The following GNPDA2 variants were observed in gnomAD, a reference collection of about 807,000 sequenced individuals.
GNPDA2 encodes the protein glcN6P deaminase 2.
GNPDA2 carries 24 observed loss-of-function variants against 27.0 expected under a neutral mutation model. The observed-to-expected ratio is 0.89, with a 90% CI of 0.64 to 1.25. The LOEUF is 1.25. GNPDA2 is among the 50% of genes most tolerant of loss of function. The probability of loss-of-function intolerance (pLI) is 0.00; values close to 1 mark genes in which losing one functional copy is unlikely to be tolerated. For synonymous variants in GNPDA2, 94 were observed against 108.4 expected, an observed-to-expected ratio of 0.87 and a Z score of 0.83; for missense variants, 286 against 335.1, an observed-to-expected ratio of 0.85 and a Z score of 1.14.
intron 4 of GNPDA2, among the ~76,000 whole-genome samples, chr4:44,716,659 C>T (rs930727194): frequency 6.6e-6 from 1 of 151,854 alleles, no homozygotes; most frequent in Non-Finnish European, 1.5e-5. Flanking sequence ...TAACTGATTA[C>T]TCAGTAAGAT....
intron 6 of GNPDA2, chr4:44,704,647 T>C: frequency 1.1e-6 from 1 of 888,248 alleles, no homozygotes; most frequent in Non-Finnish European, 1.3e-6. Context: ...ACATACGAAT[T>C]TTATATAAAT....
At chr4:44,722,330 A>G in intron 1 of GNPDA2, 88 bp from the exon 2 acceptor site, 2 of 975,772 alleles carry the variant, frequency 2.0e-6, no homozygotes, top group South Asian at 3.5e-5. Context: ...TAATAAATAG[A>G]GCACTGAAAC....
chr4:44,708,121 A>G (rs766918982), intron 5 of GNPDA2, among the ~76,000 whole-genome samples, 195 bp from the exon 6 acceptor site: 26 of 152,178 alleles, frequency 1.7e-4, no homozygotes, highest in Non-Finnish European at 2.9e-4. Context: ...TAGTTTAACA[A>G]AGCAAAACAA....
At chr4:44,705,531 A>T in intron 6 of GNPDA2, 2 of 866,528 alleles carry the variant, frequency 2.3e-6, no homozygotes, top group Non-Finnish European at 2.8e-6. Flanking sequence ...AATTAGATGA[A>T]CTAAAAGAAC....
Position 44,701,797 on chromosome 4 carries a change from A to G in GNPDA2, c.*1284T>C. ...TTAAAAAACATTTATAAGGCTATTA[A>G]AACATCATCTGGAATTAAAGCAGCA... is the stretch of plus-strand genomic sequence containing the variant. On this transcript the variant is annotated 3_prime_UTR_variant, in exon 7 of 7. Transcript: ENST00000295448. The G allele has an allele frequency of 1.0e-6, 1 of 983,392 alleles. No individual in the cohort carries two copies. The highest frequency in any genetic ancestry group is 1.2e-6 in the Non-Finnish European group (1 of 828,128). 60.9% of individuals were successfully genotyped at this position (983,392 alleles called of 1,614,324 possible).
At position 44,703,045 on chromosome 4, in the gene GNPDA2, T is replaced by A. The variant is rs1407117712; in HGVS notation, c.*36A>T. 1 of 1,608,174 alleles carries A rather than the reference T, an allele frequency of 6.2e-7. No individual in the cohort carries two copies. Among genetic ancestry groups the A allele is most frequent in the South Asian group, 1.1e-5 (1 of 89,396 alleles). ...TCATCTACTACTTAGTAAAAAGTGC[T>A]CTGTTCATTCAAGCTGAATTTTGCT... On this transcript the variant is annotated 3_prime_UTR_variant, in exon 7 of 7. Transcript: ENST00000295448.
chr4:44,715,638 T>G (rs368145770), intron 4 of GNPDA2, among the ~76,000 whole-genome samples: 9 of 152,026 alleles, frequency 5.9e-5, no homozygotes, highest in East Asian at 5.8e-4. Flanking sequence ...GTACAAATGG[T>G]TAATTATCTC....
chr4:44,724,359 T>C (rs1291205524), intron 1 of GNPDA2, among the ~76,000 whole-genome samples: 1 of 152,224 alleles, frequency 6.6e-6, no homozygotes, highest in African/African-American at 2.4e-5. Context: ...GGGTATCTTT[T>C]TGATATAATG....
chr4:44,712,207 A>T (rs902152850), intron 4 of GNPDA2, among the ~76,000 whole-genome samples: 2 of 152,100 alleles, frequency 1.3e-5, no homozygotes, highest in Admixed American at 6.5e-5. Context: ...ATTTCTGGTA[A>T]CCTCAGCCAA....
At chr4:44,725,270 G>A (rs958424123) in intron 1 of GNPDA2, among the ~76,000 whole-genome samples, 10 of 152,172 alleles carry the variant, frequency 6.6e-5, no homozygotes, top group African/African-American at 2.2e-4. Context: ...CTGCAACTAC[G>A]AGAAGTTTAT....
intron 4 of GNPDA2, among the ~76,000 whole-genome samples, chr4:44,711,955 G>A (rs1717009913): frequency 1.3e-5 from 2 of 151,924 alleles, no homozygotes; most frequent in Admixed American, 6.5e-5. Flanking sequence ...AAAGGAAAAT[G>A]TTGCACGTGA....
chr4:44,702,317 A>G lies in GNPDA2; in HGVS notation c.*764T>C. 2.8e-6 allele frequency: 2 copies of G among 707,142 alleles called. No individual in the cohort carries two copies. The highest frequency in any genetic ancestry group is 3.5e-6 in the Non-Finnish European group (2 of 575,698). The allele number at this position is 707,142 out of a possible 1,614,324, so 43.8% of individuals were successfully genotyped here. A position where few individuals can be genotyped will look rare whatever the true frequency, so the allele number is the denominator to read the frequency against. ...AGCTAATTGTATATTAAGTTTAACA[A>G]TAATCAGAAAATATTCTCCAAAAGA... is the stretch of plus-strand genomic sequence containing the variant. On this transcript the variant is annotated 3_prime_UTR_variant, in exon 7 of 7. Transcript: ENST00000295448.
In GNPDA2 at chr4:44,707,908, C is replaced by CTG; in HGVS notation, c.611_612dup (p.Gly205GlnfsTer13). The CTG allele has an allele frequency of 6.2e-7, 1 of 1,601,654 alleles. No homozygotes were observed. Among genetic ancestry groups the CTG allele is most frequent in the Non-Finnish European group, 8.5e-7 (1 of 1,172,708 alleles). ...TACAGGGCAAATGCCTTGTGTGCCC[C>CTG]TGTTATAAGGATCATTACCTGAAAA... On this transcript the variant is annotated frameshift_variant, in exon 6 of 7. Coordinates refer to ENST00000295448, the MANE Select transcript of GNPDA2 (RefSeq NM_138335.3). LOFTEE classifies it high-confidence loss of function.
At chr4:44,718,464 A>G in intron 2 of GNPDA2, 54 bp from the exon 3 acceptor site, 1 of 549,086 alleles carries the variant, frequency 1.8e-6, no homozygotes, top group Non-Finnish European at 3.1e-6. Flanking sequence ...CTATTAAATA[A>G]ACTTTTTATT....
chr4:44,702,522 G>T lies in GNPDA2; in HGVS notation c.*559C>A. The stretch of plus-strand genomic sequence containing the variant: ...AAAAGGATGTAAACTGTACTTTTAG[G>T]CACTGTCATCTCTTCAAATTTCCTT... On this transcript the variant is annotated 3_prime_UTR_variant, in exon 7 of 7. Transcript: ENST00000295448. 1 of 985,800 alleles carries T rather than the reference G, an allele frequency of 1.0e-6. No homozygotes were observed. Among genetic ancestry groups the T allele is most frequent in the Non-Finnish European group, 1.2e-6 (1 of 829,922 alleles). 61.1% of individuals were successfully genotyped at this position (985,800 alleles called of 1,614,324 possible).
At chr4:44,711,878 T>C (rs998310669) in intron 4 of GNPDA2, among the ~76,000 whole-genome samples, 7 of 151,556 alleles carry the variant, frequency 4.6e-5, no homozygotes, top group African/African-American at 1.7e-4. Context: ...AAGAATTCCA[T>C]GAAATCATAC....
Position 44,710,973 on chromosome 4 carries a change from T to G in GNPDA2, c.574A>C (p.Thr192Pro), listed in dbSNP as rs115053108. Residue 192 changes from threonine to proline, a missense_variant, in exon 5 of 7, where the codon ACA becomes CCA. Transcript: ENST00000295448. ...PTMALTVGVG[T>P]VMDAREVMIL... Reference sequence around the variant, plus strand: ...CTTACTTCTCTAGCATCCATCACTGTCCCCACACCAACAGTTAGAGCCATA... The same window carrying G: ...CTTACTTCTCTAGCATCCATCACTGGCCCCACACCAACAGTTAGAGCCATA... 1 of 1,608,598 alleles carries G rather than the reference T, an allele frequency of 6.2e-7. No homozygotes were observed. Among genetic ancestry groups the G allele is most frequent in the African/African-American group, 1.3e-5 (1 of 74,678 alleles).
chr4:44,723,516 G>T (rs537004395), intron 1 of GNPDA2, among the ~76,000 whole-genome samples: 1 of 152,202 alleles, frequency 6.6e-6, no homozygotes, highest in East Asian at 1.9e-4. Flanking sequence ...CTATTTGGGA[G>T]TTGTTTCACT....
At position 44,702,189 on chromosome 4, in the gene GNPDA2, A is replaced by G. The variant is rs1128553; in HGVS notation, c.*892T>C. 508,018 of 845,386 alleles carry G rather than the reference A, an allele frequency of 0.6. 155,653 individuals carry two copies. The highest frequency in any genetic ancestry group is 0.63 in the Non-Finnish European group (442,639 of 701,762). 52.4% of individuals were successfully genotyped at this position (845,386 alleles called of 1,614,324 possible). On this transcript the variant is annotated 3_prime_UTR_variant, in exon 7 of 7. Transcript: ENST00000295448. ...ACACGCTTTATTTGAGTTAAAGATA[A>G]AAAACAATATACTTTTATGTAAATT...
Sources: gnomAD v4.1 joint callset for allele counts (sites outside exome capture counted in the v4.1 genomes callset) on GRCh38, gnomAD v4.1.1 for gene constraint, MANE v1.5 for transcripts, NCBI Gene and HGNC (gene_info 2026-07-23, HGNC 2026-07-21) for gene names.